The following NELL1 variants were observed in gnomAD, a reference collection of about 807,000 sequenced individuals.
The protein encoded by NELL1 is neural EGFL like 1.
Under a neutral mutation model 107.4 loss-of-function variants are expected in NELL1, and 76 were observed. The observed-to-expected ratio is 0.71, with a 90% CI of 0.59 to 0.86. The LOEUF (loss-of-function observed/expected upper bound fraction) is 0.86, where lower values mean the gene tolerates loss of function less well. NELL1 is among the 40% of genes least tolerant of loss of function. The probability of loss-of-function intolerance (pLI) is 0.00; values close to 1 mark genes in which losing one functional copy is unlikely to be tolerated. For missense variants in NELL1, 1,024 were observed against 1,005.5 expected (o/e 1.02, Z -0.25); for synonymous variants, 353 against 341.2 (o/e 1.03, Z -0.38).
intron 3 of NELL1, among the ~76,000 whole-genome samples, chr11:20,807,981 T>C (rs1045940876): frequency 2.6e-5 from 4 of 152,168 alleles, no homozygotes; most frequent in African/African-American, 7.2e-5. Flanking sequence ...GTTCCAGAAA[T>C]GCCATCTAAG....
intron 15 of NELL1, among the ~76,000 whole-genome samples, chr11:21,456,408 C>T (rs1399278655): frequency 6.6e-6 from 1 of 151,950 alleles, no homozygotes; most frequent in Non-Finnish European, 1.5e-5. Context: ...CTGTACAAAA[C>T]TGCACGATGT....
intron 3 of NELL1, among the ~76,000 whole-genome samples, chr11:20,822,457 T>G (rs764138927): frequency 1.3e-5 from 2 of 152,224 alleles, no homozygotes; most frequent in Non-Finnish European, 2.9e-5. Flanking sequence ...AAACTTTTTT[T>G]TTCTTCGGAG....
intron 12 of NELL1, among the ~76,000 whole-genome samples, chr11:21,083,689 G>A (rs1202884318): frequency 6.6e-6 from 1 of 152,082 alleles, no homozygotes; most frequent in Non-Finnish European, 1.5e-5. Flanking sequence ...GTATGTATAT[G>A]TCCCTGTCAG....
intron 3 of NELL1, among the ~76,000 whole-genome samples, chr11:20,788,548 T>A (rs188837818): frequency 1.3e-5 from 2 of 151,540 alleles, no homozygotes; most frequent in Non-Finnish European, 2.9e-5. Flanking sequence ...AATTGGATTC[T>A]TTGTCTTTCT....
intron 13 of NELL1, among the ~76,000 whole-genome samples, chr11:21,181,927 T>C (rs929559608): frequency 1.3e-5 from 2 of 151,962 alleles, no homozygotes; most frequent in African/African-American, 2.4e-5. Flanking sequence ...TTTCTGTAGA[T>C]TTGGCATTAT....
chr11:21,309,280 GTATATATATATATATATATGTA>G (rs1849684508), intron 14 of NELL1, among the ~76,000 whole-genome samples: 2 of 108,618 alleles, frequency 1.8e-5, no homozygotes, highest in African/African-American at 6.7e-5. Flanking sequence ...ATATATATAT[GTATATATATATATATATATGTA>G]TATATATATA....
intron 14 of NELL1, among the ~76,000 whole-genome samples, chr11:21,351,267 TA>T (rs71443784): frequency 0.14 from 20,762 of 152,066 alleles, 1,697 homozygotes; most frequent in Non-Finnish European, 0.19. Flanking sequence ...ACTGAGTGAA[TA>T]TTTTTTTTGT....
intron 15 of NELL1, among the ~76,000 whole-genome samples, chr11:21,466,010 G>T (rs1025648007): frequency 7.2e-5 from 11 of 152,100 alleles, no homozygotes; most frequent in Non-Finnish European, 1.6e-4. Context: ...GAGAGCCAGA[G>T]ATGCAAAGCG....
chr11:21,312,245 C>T (rs996287349), intron 14 of NELL1, among the ~76,000 whole-genome samples: 4 of 152,056 alleles, frequency 2.6e-5, no homozygotes, highest in Admixed American at 6.6e-5. Context: ...AGAGTTAGAG[C>T]GTGGGTATGA....
intron 14 of NELL1, among the ~76,000 whole-genome samples, chr11:21,240,656 T>G (rs1947421): frequency 1.3e-5 from 2 of 151,430 alleles, no homozygotes; most frequent in East Asian, 3.9e-4. Context: ...AAGGGACTTT[T>G]GTGGCACAAG....
chr11:21,231,057 G>C (rs1414274644), intron 14 of NELL1, among the ~76,000 whole-genome samples: 1 of 152,086 alleles, frequency 6.6e-6, no homozygotes, highest in Non-Finnish European at 1.5e-5. Flanking sequence ...AGAGCAGAAT[G>C]CTATGGTTTA....
At chr11:21,558,954 G>A (rs1368068381) in intron 16 of NELL1, among the ~76,000 whole-genome samples, 2 of 152,054 alleles carry the variant, frequency 1.3e-5, no homozygotes, top group Non-Finnish European at 2.9e-5. Context: ...ACAGTGAGGA[G>A]ATATAGTGAG....
At chr11:20,855,141 G>A (rs1475887148) in intron 4 of NELL1, among the ~76,000 whole-genome samples, 2 of 151,314 alleles carry the variant, frequency 1.3e-5, no homozygotes, top group Non-Finnish European at 2.9e-5. Context: ...ATCAGTAGCA[G>A]ACCTATTTCT....
At chr11:21,147,628 T>A (rs1163976628) in intron 13 of NELL1, among the ~76,000 whole-genome samples, 1 of 151,470 alleles carries the variant, frequency 6.6e-6, no homozygotes, top group African/African-American at 2.4e-5. Context: ...AGGTCAGGAG[T>A]TCGAGACCAG....
intron 12 of NELL1, among the ~76,000 whole-genome samples, chr11:21,010,033 A>T (rs1004746977): frequency 6.8e-6 from 1 of 147,942 alleles, no homozygotes; most frequent in Non-Finnish European, 1.5e-5. Flanking sequence ...TTAACCCAGG[A>T]ATGGTGGTGT....
chr11:21,233,554 A>T (rs966869559), intron 14 of NELL1, among the ~76,000 whole-genome samples: 1 of 152,208 alleles, frequency 6.6e-6, no homozygotes, highest in Non-Finnish European at 1.5e-5. Context: ...GAATTTTTTT[A>T]AAAATTGCTC....
chr11:20,704,358 C>T (rs1050533821), intron 2 of NELL1, among the ~76,000 whole-genome samples: 22 of 152,064 alleles, frequency 1.4e-4, no homozygotes, highest in African/African-American at 3.9e-4. Context: ...ATTTGCTTGG[C>T]AGATCTTCCT....
intron 13 of NELL1, among the ~76,000 whole-genome samples, chr11:21,208,552 T>C (rs1382321163): frequency 2.6e-5 from 4 of 152,038 alleles, no homozygotes; most frequent in Non-Finnish European, 5.9e-5. Context: ...GGAAGCTATT[T>C]CCCCTCTACC....
At chr11:21,278,282 A>G (rs757774576) in intron 14 of NELL1, among the ~76,000 whole-genome samples, 5 of 152,158 alleles carry the variant, frequency 3.3e-5, no homozygotes, top group Non-Finnish European at 5.9e-5. Flanking sequence ...AGTATTCTAA[A>G]TCATAGCTAA....
Sources: gnomAD v4.1 joint callset for allele counts (sites outside exome capture counted in the v4.1 genomes callset) on GRCh38, gnomAD v4.1.1 for gene constraint, MANE v1.5 for transcripts, NCBI Gene and HGNC (gene_info 2026-07-23, HGNC 2026-07-21) for gene names.